The following GRID2 variants were observed in gnomAD, a reference collection of about 807,000 sequenced individuals.
The protein encoded by GRID2 is glutamate ionotropic receptor delta type subunit 2, also known as glutamate receptor ionotropic, delta-2.
GRID2 carries 33 observed loss-of-function variants against 114.8 expected under a neutral mutation model. The observed-to-expected ratio is 0.29, with a 90% CI of 0.22 to 0.38. The LOEUF (loss-of-function observed/expected upper bound fraction) is 0.38, where lower values mean the gene tolerates loss of function less well. Among genes scored for constraint, GRID2 ranks in the 10% least tolerant of loss-of-function variants. The probability of loss-of-function intolerance (pLI) is 1.00; values close to 1 mark genes in which losing one functional copy is unlikely to be tolerated. For synonymous variants in GRID2, 505 were observed against 449.9 expected (o/e 1.12, Z -1.55); for missense variants, 1,184 against 1,257.7 (o/e 0.94, Z 0.89).
intron 10 of GRID2, among the ~76,000 whole-genome samples, chr4:93,423,520 T>G (rs1768542052): frequency 6.6e-6 from 1 of 151,696 alleles, no homozygotes; most frequent in Non-Finnish European, 1.5e-5. Context: ...CTAATTTTTT[T>G]GTATTTTTAG....
At chr4:93,693,698 A>G (rs778074440) in intron 14 of GRID2, among the ~76,000 whole-genome samples, 2 of 152,166 alleles carry the variant, frequency 1.3e-5, no homozygotes, top group African/African-American at 2.4e-5. Flanking sequence ...GTTCTATGAA[A>G]CAAACTAAGA....
At chr4:93,587,298 G>C (rs1369803402) in intron 13 of GRID2, among the ~76,000 whole-genome samples, 1 of 152,008 alleles carries the variant, frequency 6.6e-6, no homozygotes, top group African/African-American at 2.4e-5. Context: ...GTATAATATA[G>C]GAATACAATT....
chr4:93,708,234 G>A (rs1040964315), intron 14 of GRID2, among the ~76,000 whole-genome samples: 3 of 151,940 alleles, frequency 2.0e-5, no homozygotes, highest in Non-Finnish European at 4.4e-5. Flanking sequence ...TGAAACACTA[G>A]TCCAGTGTTT....
intron 1 of GRID2, among the ~76,000 whole-genome samples, chr4:92,453,244 G>A (rs1182208706): frequency 6.6e-6 from 1 of 152,016 alleles, no homozygotes; most frequent in Non-Finnish European, 1.5e-5. Context: ...AGAGAAGGAA[G>A]GAGAGTTGGA....
intron 2 of GRID2, among the ~76,000 whole-genome samples, chr4:92,801,398 G>A (rs553872409): frequency 2.8e-4 from 43 of 151,962 alleles, no homozygotes; most frequent in African/African-American, 9.9e-4. Flanking sequence ...AAAAACCTCT[G>A]AGCAAAAACC....
At chr4:92,948,028 G>A (rs1751765152) in intron 2 of GRID2, among the ~76,000 whole-genome samples, 2 of 151,640 alleles carry the variant, frequency 1.3e-5, no homozygotes, top group South Asian at 4.2e-4. Flanking sequence ...CAATTAATGG[G>A]AATTTAAAAA....
At chr4:93,200,403 A>G (rs1741950776) in intron 4 of GRID2, among the ~76,000 whole-genome samples, 1 of 151,930 alleles carries the variant, frequency 6.6e-6, no homozygotes, top group African/African-American at 2.4e-5. Context: ...CGTCTCTACT[A>G]AAAATACAAA....
At chr4:92,634,228 A>T (rs545936572) in intron 2 of GRID2, among the ~76,000 whole-genome samples, 13 of 152,262 alleles carry the variant, frequency 8.5e-5, no homozygotes, top group Non-Finnish European at 1.8e-4. Context: ...GGCCTACAGT[A>T]TTATAAAAGG....
At chr4:92,945,618 A>G (rs1751565140) in intron 2 of GRID2, among the ~76,000 whole-genome samples, 1 of 152,068 alleles carries the variant, frequency 6.6e-6, no homozygotes, top group South Asian at 2.1e-4. Context: ...GTCACTGGGG[A>G]GGGAGTTTTA....
chr4:93,334,026 T>C (rs1758773450), intron 8 of GRID2, among the ~76,000 whole-genome samples: 1 of 152,178 alleles, frequency 6.6e-6, no homozygotes, highest in African/African-American at 2.4e-5. Context: ...TAGACTCTAC[T>C]GGAATAAGAG....
intron 8 of GRID2, among the ~76,000 whole-genome samples, chr4:93,359,892 A>G (rs1307751339): frequency 2.0e-5 from 3 of 146,476 alleles, no homozygotes; most frequent in African/African-American, 7.4e-5. Flanking sequence ...AAAAAAAAAA[A>G]AAAAAAAAAT....
At chr4:92,832,711 C>G (rs1327816095) in intron 2 of GRID2, among the ~76,000 whole-genome samples, 2 of 151,992 alleles carry the variant, frequency 1.3e-5, no homozygotes, top group African/African-American at 4.8e-5. Flanking sequence ...CTCTTGAACC[C>G]AGGAGGTGGA....
chr4:92,604,613 C>T (rs1729369385), intron 2 of GRID2, among the ~76,000 whole-genome samples: 1 of 152,056 alleles, frequency 6.6e-6, no homozygotes, highest in African/African-American at 2.4e-5. Context: ...TTGACAGGTA[C>T]AGCAAACCAC....
At chr4:92,516,491 A>T (rs1724506891) in intron 1 of GRID2, among the ~76,000 whole-genome samples, 1 of 151,840 alleles carries the variant, frequency 6.6e-6, no homozygotes, top group African/African-American at 2.4e-5. Context: ...AATTACAATC[A>T]GTTCACAAAA....
At chr4:93,038,208 C>T (rs1349107203) in intron 2 of GRID2, among the ~76,000 whole-genome samples, 1 of 152,070 alleles carries the variant, frequency 6.6e-6, no homozygotes, top group Non-Finnish European at 1.5e-5. Context: ...GTATTTTATT[C>T]TCTTTGTAGC....
chr4:92,644,731 T>G (rs890339433), intron 2 of GRID2, among the ~76,000 whole-genome samples: 1 of 151,658 alleles, frequency 6.6e-6, no homozygotes, highest in Non-Finnish European at 1.5e-5. Context: ...TGTTTACTCT[T>G]TTTGTGAGGT....
intron 1 of GRID2, among the ~76,000 whole-genome samples, chr4:92,489,135 G>A (rs753382506): frequency 3.3e-5 from 5 of 152,146 alleles, no homozygotes; most frequent in Non-Finnish European, 5.9e-5. Context: ...AATAAATATG[G>A]TTGCCCCTTC....
intron 2 of GRID2, among the ~76,000 whole-genome samples, chr4:93,010,410 G>C (rs78277097): frequency 0.042 from 6,343 of 151,842 alleles, 190 homozygotes; most frequent in Non-Finnish European, 0.056. Context: ...ACTAGATTAC[G>C]GGTTTATTGC....
chr4:92,721,024 G>C (rs2149317444), intron 2 of GRID2, among the ~76,000 whole-genome samples: 1 of 152,170 alleles, frequency 6.6e-6, no homozygotes, highest in African/African-American at 2.4e-5. Context: ...GAATCTTACA[G>C]TTATTATGCT....
Sources: gnomAD v4.1 joint callset for allele counts (sites outside exome capture counted in the v4.1 genomes callset) on GRCh38, gnomAD v4.1.1 for gene constraint, MANE v1.5 for transcripts, NCBI Gene and HGNC (gene_info 2026-07-23, HGNC 2026-07-21) for gene names.